Variants in LINGO2 observed in about 807,000 individuals in gnomAD.
LINGO2 encodes leucine-rich repeat and immunoglobulin-like domain-containing nogo receptor-interacting protein 2.
A neutral mutation model predicts 30.6 loss-of-function variants in LINGO2; 14 were observed. The observed-to-expected ratio is 0.46, with a 90% confidence interval of 0.30 to 0.72. LINGO2 has a LOEUF of 0.72. Among genes scored for constraint, LINGO2 ranks in the 30% least tolerant of loss-of-function variants. The pLI is 0.07. For synonymous variants in LINGO2, 317 were observed against 288.5 expected, an observed-to-expected ratio of 1.10 and a Z score of -1.00; for missense variants, 729 against 751.7, an observed-to-expected ratio of 0.97 and a Z score of 0.35.
intron 1 of LINGO2, among the ~76,000 whole-genome samples, chr9:28,585,399 T>G (rs552163330): frequency 6.6e-6 from 1 of 151,980 alleles, no homozygotes; most frequent in African/African-American, 2.4e-5. Context: ...TACCAATTAT[T>G]AGGGAAGATT....
chr9:28,956,517 TGC>T, the LINGO2 span, among the ~76,000 whole-genome samples: 2 of 152,066 alleles, frequency 1.3e-5, no homozygotes, highest in African/African-American at 4.8e-5. Context: ...ATAATGCTTG[TGC>T]ACTAGAAGAT....
At chr9:28,638,811 C>T (rs1227883642) in intron 1 of LINGO2, among the ~76,000 whole-genome samples, 1 of 152,108 alleles carries the variant, frequency 6.6e-6, no homozygotes, top group African/African-American at 2.4e-5. Flanking sequence ...TTTTGTATCT[C>T]TATTTCCTTC....
At chr9:28,217,336 A>T (rs1038317913) in intron 4 of LINGO2, among the ~76,000 whole-genome samples, 2 of 151,776 alleles carry the variant, frequency 1.3e-5, no homozygotes, top group African/African-American at 4.8e-5. Context: ...TCCTGTGCCT[A>T]TTGGGGTTAA....
the LINGO2 span, among the ~76,000 whole-genome samples, chr9:28,753,667 A>G: frequency 1.3e-5 from 2 of 152,022 alleles, 1 homozygote; most frequent in Non-Finnish European, 2.9e-5. Flanking sequence ...AGGAGAGAGC[A>G]TTTGGAAAAG....
At chr9:28,773,794 T>A in the LINGO2 span, among the ~76,000 whole-genome samples, 1 of 152,118 alleles carries the variant, frequency 6.6e-6, no homozygotes, top group Non-Finnish European at 1.5e-5. Context: ...GGGTAAAATA[T>A]GAAGAATTAA....
intron 1 of LINGO2, among the ~76,000 whole-genome samples, chr9:28,556,318 G>GTACAAAATCAATA (rs1242496561): frequency 6.6e-6 from 1 of 151,870 alleles, no homozygotes; most frequent in Non-Finnish European, 1.5e-5. Context: ...CAAAATCAAT[G>GTACAAAATCAATA]TACAAAATTC....
At chr9:29,021,850 T>G in the LINGO2 span, among the ~76,000 whole-genome samples, 1 of 152,174 alleles carries the variant, frequency 6.6e-6, no homozygotes, top group Non-Finnish European at 1.5e-5. Flanking sequence ...ACTGTCTAGT[T>G]CCTTAGTCTT....
chr9:28,905,295 CTG>C, the LINGO2 span, among the ~76,000 whole-genome samples: 2 of 128,444 alleles, frequency 1.6e-5, no homozygotes, highest in Non-Finnish European at 3.3e-5. Flanking sequence ...AAAAAAAAAA[CTG>C]AATTACATTA....
intron 4 of LINGO2, among the ~76,000 whole-genome samples, chr9:28,023,439 T>C (rs1823231729): frequency 6.6e-6 from 1 of 152,202 alleles, no homozygotes; most frequent in African/African-American, 2.4e-5. Context: ...GGCAGTTCTT[T>C]CATCTGTAAC....
intron 4 of LINGO2, among the ~76,000 whole-genome samples, chr9:28,093,451 T>C (rs145917959): frequency 2.6e-4 from 39 of 152,218 alleles, no homozygotes; most frequent in African/African-American, 9.1e-4. Flanking sequence ...TTAGGGTCAC[T>C]GCGAAACTTA....
At chr9:28,629,104 C>T (rs934204309) in intron 1 of LINGO2, among the ~76,000 whole-genome samples, 2 of 152,068 alleles carry the variant, frequency 1.3e-5, no homozygotes, top group African/African-American at 4.8e-5. Flanking sequence ...AGGCATGAAA[C>T]TGAACTAGTA....
the LINGO2 span, among the ~76,000 whole-genome samples, chr9:29,209,553 G>GA: frequency 2.0e-5 from 3 of 152,054 alleles, no homozygotes; most frequent in Non-Finnish European, 4.4e-5. Flanking sequence ...AAGCATAACA[G>GA]AAAAATCACA....
the LINGO2 span, among the ~76,000 whole-genome samples, chr9:28,951,090 C>T: frequency 7.9e-5 from 12 of 152,214 alleles, no homozygotes; most frequent in African/African-American, 2.9e-4. Context: ...TAATGCCACA[C>T]ATCTACAACC....
chr9:28,749,095 T>C, the LINGO2 span, among the ~76,000 whole-genome samples: 1 of 152,052 alleles, frequency 6.6e-6, no homozygotes, highest in Non-Finnish European at 1.5e-5. Context: ...TTTCAAAGCC[T>C]TCCATTATAT....
chr9:28,772,869 C>T, the LINGO2 span, among the ~76,000 whole-genome samples: 2 of 152,166 alleles, frequency 1.3e-5, no homozygotes, highest in East Asian at 1.9e-4. Context: ...CAATCTACAA[C>T]ACAAACTCAC....
the LINGO2 span, among the ~76,000 whole-genome samples, chr9:28,893,285 A>G: frequency 2.6e-4 from 39 of 152,066 alleles, no homozygotes; most frequent in Non-Finnish European, 4.9e-4. Flanking sequence ...ATTTCTCAAT[A>G]TATGATGGTC....
chr9:28,986,668 T>C, the LINGO2 span, among the ~76,000 whole-genome samples: 2 of 152,002 alleles, frequency 1.3e-5, no homozygotes, highest in East Asian at 1.9e-4. Flanking sequence ...CCATTGTTAA[T>C]TGAAAATATC....
At chr9:28,038,241 T>TTCAC (rs1451548629) in intron 4 of LINGO2, among the ~76,000 whole-genome samples, 1 of 151,598 alleles carries the variant, frequency 6.6e-6, no homozygotes, top group African/African-American at 2.4e-5. Flanking sequence ...TAAGTATCCA[T>TTCAC]TAAGTGGATG....
At chr9:28,665,313 T>C (rs1370478030) in intron 1 of LINGO2, among the ~76,000 whole-genome samples, 2 of 152,072 alleles carry the variant, frequency 1.3e-5, no homozygotes, top group Non-Finnish European at 2.9e-5. Context: ...TCAGAGCAGC[T>C]ATGTTTCACT....
Sources: gnomAD v4.1 joint callset for allele counts (sites outside exome capture counted in the v4.1 genomes callset) on GRCh38, gnomAD v4.1.1 for gene constraint, MANE v1.5 for transcripts, NCBI Gene and HGNC (gene_info 2026-07-23, HGNC 2026-07-21) for gene names.